Variants in SUCLG2 observed in about 807,000 individuals in gnomAD.
SUCLG2 encodes the protein succinate-CoA ligase GDP-forming subunit beta, also known as succinate--CoA ligase [GDP-forming] subunit beta, mitochondrial.
Under a neutral mutation model 47.9 loss-of-function variants are expected in SUCLG2, and 42 were observed. The ratio of observed to expected loss-of-function variants is 0.88; its 90% CI spans 0.69 to 1.14. The LOEUF (loss-of-function observed/expected upper bound fraction) is 1.14, where lower values mean the gene tolerates loss of function less well. Ranked by LOEUF, SUCLG2 falls within the 50% of genes most tolerant of loss-of-function variation. SUCLG2 has a pLI of 0.00. For missense variants in SUCLG2, 571 were observed against 525.9 expected (o/e 1.09, Z -0.84); for synonymous variants, 195 against 197.3 (o/e 0.99, Z 0.10).
At chr3:67,633,167 A>G (rs777660755) in intron 1 of SUCLG2, among the ~76,000 whole-genome samples, 1 of 152,226 alleles carries the variant, frequency 6.6e-6, no homozygotes, top group Non-Finnish European at 1.5e-5. Flanking sequence ...GAACAAATTA[A>G]TAACGAAAAG....
chr3:67,397,175 C>A (rs1191600715), intron 10 of SUCLG2, among the ~76,000 whole-genome samples: 10 of 151,836 alleles, frequency 6.6e-5, no homozygotes, highest in Admixed American at 3.3e-4. Flanking sequence ...CTGGCCAGGG[C>A]AATTAGGCAG....
At chr3:67,473,933 C>A (rs1225316970) in intron 9 of SUCLG2, among the ~76,000 whole-genome samples, 11 of 152,122 alleles carry the variant, frequency 7.2e-5, no homozygotes, top group Non-Finnish European at 2.9e-5. Flanking sequence ...ACAAGGTCAA[C>A]ATCATCTTCT....
chr3:67,398,824 T>C (rs1303852860), intron 10 of SUCLG2, among the ~76,000 whole-genome samples: 1 of 151,958 alleles, frequency 6.6e-6, no homozygotes, highest in African/African-American at 2.4e-5. Context: ...ATATACACCA[T>C]GGAATACTAT....
intron 10 of SUCLG2, among the ~76,000 whole-genome samples, chr3:67,392,822 C>T (rs74429267): frequency 1.3e-5 from 2 of 149,862 alleles, no homozygotes; most frequent in African/African-American, 2.5e-5. Flanking sequence ...AGTCACTGTA[C>T]TTTTTTTTTT....
chr3:67,452,175 C>T (rs987885456), intron 9 of SUCLG2, among the ~76,000 whole-genome samples: 2 of 152,204 alleles, frequency 1.3e-5, no homozygotes, highest in Non-Finnish European at 2.9e-5. Flanking sequence ...TCTAAAATAT[C>T]TAAGTTCCAG....
chr3:67,421,293 C>T (rs1232345223), intron 9 of SUCLG2, among the ~76,000 whole-genome samples: 1 of 152,176 alleles, frequency 6.6e-6, no homozygotes, highest in East Asian at 1.9e-4. Context: ...GAGTACCCCA[C>T]ATATGCTATT....
chr3:67,409,243 G>C (rs924963358), intron 9 of SUCLG2, among the ~76,000 whole-genome samples: 1 of 151,888 alleles, frequency 6.6e-6, no homozygotes, highest in Non-Finnish European at 1.5e-5. Context: ...ACTCTGTCCT[G>C]AGCTGAAACA....
At chr3:67,525,111 G>A (rs1197127829) in intron 4 of SUCLG2, among the ~76,000 whole-genome samples, 4 of 152,138 alleles carry the variant, frequency 2.6e-5, no homozygotes, top group Non-Finnish European at 5.9e-5. Flanking sequence ...ACAATACAAT[G>A]CTGATGAAAT....
At chr3:67,425,971 A>C (rs1337043437) in intron 9 of SUCLG2, among the ~76,000 whole-genome samples, 1 of 152,212 alleles carries the variant, frequency 6.6e-6, no homozygotes, top group Non-Finnish European at 1.5e-5. Flanking sequence ...GAGGAATTCC[A>C]GCTCAGGAAG....
At chr3:67,556,047 G>A (rs1707151364) in intron 2 of SUCLG2, among the ~76,000 whole-genome samples, 1 of 152,202 alleles carries the variant, frequency 6.6e-6, no homozygotes, top group Non-Finnish European at 1.5e-5. Flanking sequence ...ACACTGGATG[G>A]ATCCAGGTTG....
chr3:67,462,263 C>T (rs1055125456), intron 9 of SUCLG2, among the ~76,000 whole-genome samples: 24 of 152,044 alleles, frequency 1.6e-4, no homozygotes, highest in Non-Finnish European at 2.9e-5. Context: ...CTCTAATCTC[C>T]CCCCACTTTT....
At chr3:67,503,702 T>C (rs1705562361) in intron 7 of SUCLG2, among the ~76,000 whole-genome samples, 1 of 152,214 alleles carries the variant, frequency 6.6e-6, no homozygotes, top group African/African-American at 2.4e-5. Context: ...ACATACCTAT[T>C]AATATTTATA....
chr3:67,533,387 A>T (rs532769661), intron 2 of SUCLG2, among the ~76,000 whole-genome samples: 1 of 152,166 alleles, frequency 6.6e-6, no homozygotes, highest in African/African-American at 2.4e-5. Flanking sequence ...GCAGAAACTG[A>T]TTTCTGTGGT....
chr3:67,471,845 T>C (rs1043769350), intron 9 of SUCLG2, among the ~76,000 whole-genome samples: 1 of 152,122 alleles, frequency 6.6e-6, no homozygotes, highest in African/African-American at 2.4e-5. Context: ...ACCACATCCA[T>C]AACTCTCCTC....
At chr3:67,545,702 C>A (rs1706845274) in intron 2 of SUCLG2, among the ~76,000 whole-genome samples, 1 of 151,858 alleles carries the variant, frequency 6.6e-6, no homozygotes, top group South Asian at 2.1e-4. Flanking sequence ...TTCTCTCCTT[C>A]CCTGCCTCAT....
intron 2 of SUCLG2, among the ~76,000 whole-genome samples, chr3:67,532,075 C>A (rs1427181576): frequency 2.0e-5 from 3 of 152,130 alleles, no homozygotes; most frequent in African/African-American, 7.2e-5. Context: ...CTTAACCATC[C>A]TTTAGAAAAA....
chr3:67,547,552 C>A (rs1272132334), intron 2 of SUCLG2, among the ~76,000 whole-genome samples: 1 of 152,136 alleles, frequency 6.6e-6, no homozygotes, highest in Non-Finnish European at 1.5e-5. Context: ...TGCCTCCCAG[C>A]AGGAGGTGGA....
At chr3:67,376,378 G>C in intron 10 of SUCLG2, 2 of 985,406 alleles carry the variant, frequency 2.0e-6, no homozygotes, top group Non-Finnish European at 2.4e-6. Context: ...AGCAGCCTCT[G>C]ATGGCAATCT....
intron 7 of SUCLG2, among the ~76,000 whole-genome samples, chr3:67,504,857 G>GATAA (rs1390347713): frequency 6.6e-6 from 1 of 152,296 alleles, no homozygotes; most frequent in Non-Finnish European, 1.5e-5. Flanking sequence ...TGCGCAGGTA[G>GATAA]ATAAATAAAT....
Sources: allele counts gnomAD v4.1 joint callset (sites outside exome capture counted in the v4.1 genomes callset), GRCh38; gene constraint gnomAD v4.1.1; transcripts MANE v1.5; gene names NCBI Gene and HGNC (gene_info 2026-07-23, HGNC 2026-07-21).